Variants in GPHN observed in about 807,000 individuals in gnomAD.
GPHN encodes the protein gephyrin.
GPHN carries 17 observed loss-of-function variants against 95.5 expected under a neutral mutation model. The observed-to-expected ratio is 0.18, with a 90% CI of 0.12 to 0.27. The LOEUF (loss-of-function observed/expected upper bound fraction) is 0.27, where lower values mean the gene tolerates loss of function less well. Ranked by LOEUF, GPHN falls within the 10% of genes least tolerant of loss-of-function variation. The pLI, the probability that GPHN is intolerant of heterozygous loss-of-function variation, is 1.00. For synonymous variants in GPHN, 320 were observed against 322.5 expected (o/e 0.99, Z 0.08); for missense variants, 660 against 978.1 (o/e 0.67, Z 4.34).
At chr14:66,771,626 C>T (rs1282457508) in intron 2 of GPHN, among the ~76,000 whole-genome samples, 2 of 151,902 alleles carry the variant, frequency 1.3e-5, no homozygotes, top group Non-Finnish European at 2.9e-5. Context: ...GCACATTGTG[C>T]AGGTTAGTTA....
intron 17 of GPHN, among the ~76,000 whole-genome samples, chr14:67,135,979 T>C (rs564227434): frequency 1.5e-4 from 23 of 152,272 alleles, no homozygotes; most frequent in Non-Finnish European, 2.2e-4. Flanking sequence ...CTTCATCTAC[T>C]AAATCTTAAA....
At chr14:66,797,667 A>G (rs932763220) in intron 3 of GPHN, among the ~76,000 whole-genome samples, 1 of 151,846 alleles carries the variant, frequency 6.6e-6, no homozygotes, top group South Asian at 2.1e-4. Context: ...TGATTTTTGT[A>G]TGTTGATTTT....
the GPHN span, among the ~76,000 whole-genome samples, chr14:67,697,967 G>A: frequency 6.6e-6 from 1 of 152,278 alleles, no homozygotes; most frequent in East Asian, 1.9e-4. Context: ...AATAATTTGT[G>A]CAATAACATC....
At chr14:67,565,786 C>A in the GPHN span, among the ~76,000 whole-genome samples, 2 of 152,130 alleles carry the variant, frequency 1.3e-5, no homozygotes, top group Non-Finnish European at 2.9e-5. Context: ...GCTCGGGAGA[C>A]CTGTATTTCC....
intron 9 of GPHN, among the ~76,000 whole-genome samples, chr14:66,978,957 G>A (rs997915836): frequency 6.6e-6 from 1 of 152,128 alleles, no homozygotes; most frequent in Non-Finnish European, 1.5e-5. Flanking sequence ...ATCCCAATCA[G>A]AGCTCTTGGA....
At chr14:66,608,672 G>A (rs964642553) in intron 1 of GPHN, among the ~76,000 whole-genome samples, 1 of 152,102 alleles carries the variant, frequency 6.6e-6, no homozygotes, top group African/African-American at 2.4e-5. Context: ...ATGCTCCAAT[G>A]TTGGGTGTGT....
the GPHN span, chr14:67,557,543 T>C: frequency 1.3e-6 from 1 of 780,722 alleles, no homozygotes; most frequent in South Asian, 2.2e-5. Flanking sequence ...CTGAGCCTAT[T>C]CTTTTATGTG....
chr14:67,332,866 C>G, the GPHN span: 3 of 1,613,832 alleles, frequency 1.9e-6, no homozygotes, highest in Non-Finnish European at 2.5e-6. Flanking sequence ...TTGTGAATTC[C>G]GATCTTGATA....
chr14:67,507,856 G>T, the GPHN span, among the ~76,000 whole-genome samples: 3 of 152,128 alleles, frequency 2.0e-5, no homozygotes, highest in African/African-American at 7.2e-5. Context: ...AGCAATGACT[G>T]GGCTGGGCAT....
chr14:67,619,124 A>G, the GPHN span, among the ~76,000 whole-genome samples: 1 of 152,204 alleles, frequency 6.6e-6, no homozygotes, highest in Non-Finnish European at 1.5e-5. Flanking sequence ...AACCTGTGGT[A>G]TAGAATTGGA....
At chr14:66,639,895 T>C (rs2064301550) in intron 1 of GPHN, among the ~76,000 whole-genome samples, 1 of 152,180 alleles carries the variant, frequency 6.6e-6, no homozygotes, top group Admixed American at 6.5e-5. Flanking sequence ...AGATTTTATA[T>C]GTAAATGTAA....
intron 1 of GPHN, among the ~76,000 whole-genome samples, chr14:66,553,822 G>C (rs2059911594): frequency 6.6e-6 from 1 of 152,088 alleles, no homozygotes; most frequent in Non-Finnish European, 1.5e-5. Flanking sequence ...TGATCCTCCT[G>C]CCTCGGCTTC....
chr14:67,193,954 C>CAAAAAAAAAACAAAAAAAAAAAAAACAAA, the GPHN span, among the ~76,000 whole-genome samples: 1 of 85,760 alleles, frequency 1.2e-5, no homozygotes, highest in Non-Finnish European at 2.5e-5. Context: ...CAAAAAAAAA[C>CAAAAAAAAAACAAAAAAAAAAAAAACAAA]AAAAAAAAAA....
At position 67,009,782 on chromosome 14, in the gene GPHN, T is replaced by C. The variant is rs563360154; in HGVS notation, c.964-13851T>C. ...GGTTTTTTATTTGTTTCGTTTCTCT[T>C]TTTGTTTTTTTAGACACCCAGGTTG... On this transcript the variant is annotated intron_variant, in intron 9 of 22. Coordinates refer to ENST00000478722, the MANE Select transcript of GPHN (RefSeq NM_020806.5). Among the ~76,000 whole-genome samples, 357 of 152,152 alleles carry C rather than the reference T, an allele frequency of 2.3e-3. 2 individuals are homozygous for C. Among genetic ancestry groups the C allele is most frequent in the African/African-American group, 8.1e-3 (336 of 41,502 alleles).
chr14:67,386,011 A>T, the GPHN span: 1 of 152,102 alleles, frequency 6.6e-6, no homozygotes, highest in Non-Finnish European at 1.5e-5. Context: ...ATTTGCCCCA[A>T]CCCCAAGGTA....
At chr14:67,402,493 T>C in the GPHN span, among the ~76,000 whole-genome samples, 3 of 152,222 alleles carry the variant, frequency 2.0e-5, no homozygotes, top group Non-Finnish European at 4.4e-5. Flanking sequence ...AGTCACCCTG[T>C]TGTGCTATTA....
intron 1 of GPHN, among the ~76,000 whole-genome samples, chr14:66,610,764 T>A (rs1418915280): frequency 6.6e-6 from 1 of 152,122 alleles, no homozygotes; most frequent in Non-Finnish European, 1.5e-5. Flanking sequence ...CATGGGCAAG[T>A]GGGAATTTAT....
At chr14:66,525,733 C>T (rs1019474595) in intron 1 of GPHN, among the ~76,000 whole-genome samples, 11 of 151,858 alleles carry the variant, frequency 7.2e-5, no homozygotes, top group African/African-American at 2.7e-4. Context: ...TTACGAACAC[C>T]ATTTATTAAA....
intron 17 of GPHN, among the ~76,000 whole-genome samples, chr14:67,134,857 TCTTTC>T (rs1161987054): frequency 1.3e-5 from 2 of 151,338 alleles, no homozygotes; most frequent in Non-Finnish European, 2.9e-5. Context: ...TTTCTCTTTC[TCTTTC>T]TTTTTTAATT....
Sources: allele counts gnomAD v4.1 joint callset (sites outside exome capture counted in the v4.1 genomes callset), GRCh38; gene constraint gnomAD v4.1.1; transcripts MANE v1.5; gene names NCBI Gene and HGNC (gene_info 2026-07-23, HGNC 2026-07-21).